The following RABGAP1 variants were observed in gnomAD, a reference collection of about 807,000 sequenced individuals.
RABGAP1 encodes the protein RAB GTPase activating protein 1.
RABGAP1 carries 23 observed loss-of-function variants against 137.6 expected under a neutral mutation model. That is an observed-to-expected ratio of 0.17 (90% CI 0.12 to 0.24). The LOEUF (loss-of-function observed/expected upper bound fraction) is 0.24. Among genes scored for constraint, RABGAP1 ranks in the 10% least tolerant of loss-of-function variants. The pLI is 1.00. For missense variants in RABGAP1, 906 were observed against 1,275.8 expected (o/e 0.71, Z 4.42); for synonymous variants, 451 against 450.7 (o/e 1.00, Z -0.01).
At chr9:123,096,695 G>A (rs1314754179) in intron 21 of RABGAP1, among the ~76,000 whole-genome samples, 1 of 152,092 alleles carries the variant, frequency 6.6e-6, no homozygotes, top group Admixed American at 6.5e-5. Flanking sequence ...TAGCCTCCCA[G>A]GTAGCTGGGA....
intron 11 of RABGAP1, among the ~76,000 whole-genome samples, chr9:123,011,291 T>A (rs2030783647): frequency 6.6e-6 from 1 of 152,174 alleles, no homozygotes; most frequent in Admixed American, 6.5e-5. Context: ...TTGTGGGGCA[T>A]CATAAAGAGT....
chr9:122,956,408 C>T (rs960710431), intron 1 of RABGAP1, among the ~76,000 whole-genome samples: 5 of 152,062 alleles, frequency 3.3e-5, no homozygotes, highest in East Asian at 1.9e-4. Context: ...AAAAATTAGA[C>T]GGTAGGCCGA....
At chr9:122,990,332 A>G in intron 6 of RABGAP1, 119 bp downstream of exon 6, 1 of 893,846 alleles carries the variant, frequency 1.1e-6, no homozygotes, top group Non-Finnish European at 1.6e-6. Context: ...TTTAAAAAAA[A>G]TCTGGATGAT....
chr9:122,995,534 T>C (rs1836971262), intron 6 of RABGAP1, among the ~76,000 whole-genome samples: 1 of 151,882 alleles, frequency 6.6e-6, no homozygotes, highest in South Asian at 2.1e-4. Context: ...GCTTTATAAA[T>C]GCTTTAGTGG....
intron 5 of RABGAP1, 72 bp from the exon 6 acceptor site, chr9:122,989,984 A>G (rs1309293091): frequency 2.1e-6 from 3 of 1,402,782 alleles, no homozygotes; most frequent in Non-Finnish European, 9.7e-7. Flanking sequence ...CAAAGTAGGT[A>G]ATCTTCCAGC....
the RABGAP1 span, among the ~76,000 whole-genome samples, chr9:122,931,916 G>A: frequency 6.9e-6 from 1 of 144,380 alleles, no homozygotes; most frequent in Non-Finnish European, 1.5e-5. Flanking sequence ...CTCGTCGCGC[G>A]GGAGCCCGAA....
In RABGAP1 at chr9:122,989,451, C is replaced by T. The variant is rs897382844; in HGVS notation, c.745C>T (p.Arg249Trp). 32 of 1,613,766 alleles carry T rather than the reference C, an allele frequency of 2.0e-5. No homozygotes were observed. Among genetic ancestry groups the T allele is most frequent in the Admixed American group, 8.3e-5 (5 of 59,970 alleles). The change falls in exon 5 of 26, where the codon CGG becomes TGG. Residue 249 changes from arginine (R) to tryptophan (W), a missense_variant. Coordinates refer to ENST00000373647, the MANE Select transcript of RABGAP1 (RefSeq NM_012197.4). The part of the protein sequence containing the change: ...NAELFRIHVF[R>W]CEIQEAVSRI... ...AGAGCTCTTCAGAATACACGTCTTC[C>T]GGTGTGAAATACAAGAAGCTGTAAG...
chr9:123,040,187 C>G (rs923494020), intron 13 of RABGAP1, among the ~76,000 whole-genome samples: 2 of 152,142 alleles, frequency 1.3e-5, no homozygotes, highest in African/African-American at 2.4e-5. Context: ...CCTCACTGTT[C>G]TCTACTTTAT....
rs760243416 is a variant in RABGAP1 at position 123,103,075 on chromosome 9, A to G, written c.3088-16A>G. The G allele has an allele frequency of 1.2e-6, 2 of 1,612,752 alleles. No homozygotes were observed. The highest frequency in any genetic ancestry group is 1.1e-5 in the South Asian group (1 of 90,856). On this transcript the variant is annotated splice_polypyrimidine_tract_variant and intron_variant, in intron 25 of 25. Transcript: ENST00000373647. Reference sequence around the variant, plus strand: ...CACCAAGCCCAGCATCCTCATGCACACTGTTCCTCTTGCAGGACTTGGAAC... The same window carrying G: ...CACCAAGCCCAGCATCCTCATGCACGCTGTTCCTCTTGCAGGACTTGGAAC...
chr9:122,942,209 A>G (rs1833619547), intron 1 of RABGAP1, among the ~76,000 whole-genome samples: 1 of 152,242 alleles, frequency 6.6e-6, no homozygotes, highest in South Asian at 2.1e-4. Flanking sequence ...GGTGAATGGA[A>G]TTGTGTTTGT....
At chr9:122,941,269 G>A (rs1400521935) in intron 1 of RABGAP1, among the ~76,000 whole-genome samples, 176 bp downstream of exon 1, 1 of 152,228 alleles carries the variant, frequency 6.6e-6, no homozygotes, top group East Asian at 1.9e-4. Flanking sequence ...GTGATTGGGG[G>A]GAGGGGGAAC....
intron 21 of RABGAP1, among the ~76,000 whole-genome samples, chr9:123,096,420 G>T (rs1207752204): frequency 6.6e-6 from 1 of 151,490 alleles, no homozygotes; most frequent in East Asian, 1.9e-4. Flanking sequence ...AGGACAAAGG[G>T]TATTACCGAG....
intron 13 of RABGAP1, among the ~76,000 whole-genome samples, chr9:123,043,032 G>C (rs2033026999): frequency 6.6e-6 from 1 of 152,128 alleles, no homozygotes; most frequent in African/African-American, 2.4e-5. Context: ...TCAGAATTTT[G>C]AGGAGAAGTG....
chr9:122,953,646 G>A (rs932790784), intron 1 of RABGAP1, among the ~76,000 whole-genome samples: 8 of 152,286 alleles, frequency 5.3e-5, no homozygotes, highest in Non-Finnish European at 7.4e-5. Flanking sequence ...TGATCCACCC[G>A]CCTTGACCTC....
intron 2 of RABGAP1, among the ~76,000 whole-genome samples, chr9:122,971,133 C>T (rs1835448369): frequency 6.6e-6 from 1 of 152,168 alleles, no homozygotes; most frequent in Non-Finnish European, 1.5e-5. Context: ...GGGCTACTTC[C>T]TAACTTGAAA....
At chr9:123,094,539 T>G (rs946531512) in intron 21 of RABGAP1, among the ~76,000 whole-genome samples, 11 of 152,126 alleles carry the variant, frequency 7.2e-5, no homozygotes, top group Non-Finnish European at 1.0e-4. Context: ...CCAGTTGGGG[T>G]TTCTATTTTT....
chr9:123,097,683 G>T, intron 21 of RABGAP1, 58 bp from the exon 22 acceptor site: 2 of 1,414,008 alleles, frequency 1.4e-6, no homozygotes, highest in South Asian at 2.5e-5. Context: ...GCTAAGTAAT[G>T]GAAATCCTTT....
At chr9:122,993,585 T>C (rs776315814) in intron 6 of RABGAP1, among the ~76,000 whole-genome samples, 46 of 152,018 alleles carry the variant, frequency 3.0e-4, no homozygotes, top group Non-Finnish European at 5.0e-4. Context: ...TTTTAAATTA[T>C]TATGATTAGA....
chr9:122,937,786 G>T (rs1030300278), upstream of RABGAP1: 12 of 152,348 alleles, frequency 7.9e-5, no homozygotes, highest in Non-Finnish European at 1.3e-4. Flanking sequence ...GAGGTCAGGA[G>T]TTCGAGACCA....
Sources: allele counts gnomAD v4.1 joint callset (sites outside exome capture counted in the v4.1 genomes callset), GRCh38; gene constraint gnomAD v4.1.1; transcripts MANE v1.5; gene names NCBI Gene and HGNC (gene_info 2026-07-23, HGNC 2026-07-21).